The following UBL7 variants were observed in gnomAD, a reference collection of about 807,000 sequenced individuals.
The protein encoded by UBL7 is ubiquitin like 7.
Under a neutral mutation model 41.7 loss-of-function variants are expected in UBL7, and 21 were observed. The observed-to-expected ratio is 0.50, with a 90% CI of 0.36 to 0.73. UBL7 has a LOEUF of 0.73. Among genes scored for constraint, UBL7 ranks in the 30% least tolerant of loss-of-function variants. The probability of loss-of-function intolerance (pLI) is 0.00; values close to 1 mark genes in which losing one functional copy is unlikely to be tolerated. For synonymous variants in UBL7, 157 were observed against 186.9 expected, an observed-to-expected ratio of 0.84 and a Z score of 1.31; for missense variants, 403 against 478.4, an observed-to-expected ratio of 0.84 and a Z score of 1.47.
rs1263507875 is a variant in UBL7, at chr15:74,458,667, A to G, written c.184+17T>C. 4.4e-6 allele frequency: 7 copies of G among 1,604,088 alleles called. No individual in the cohort carries two copies. The highest frequency in any genetic ancestry group is 1.1e-5 in the South Asian group (1 of 90,954). ...GAGATCAGAGCAGCAGCCCAACCCCAGTCCAGAGAGACTCACCAATCAGCT... is the reference window on the plus strand; with the variant it reads ...GAGATCAGAGCAGCAGCCCAACCCCGGTCCAGAGAGACTCACCAATCAGCT... On this transcript the variant is annotated intron_variant, in intron 2 of 10. Transcript: ENST00000395081.
intron 2 of UBL7, 74 bp from the exon 3 acceptor site, chr15:74,456,745 T>C (rs1596219981): frequency 3.3e-6 from 5 of 1,512,454 alleles, no homozygotes; most frequent in Non-Finnish European, 4.5e-6. Context: ...GAGAACCTTA[T>C]TTTGATTAGA....
At chr15:74,457,104 G>A (rs1464603443) in intron 2 of UBL7, among the ~76,000 whole-genome samples, 1 of 152,178 alleles carries the variant, frequency 6.6e-6, no homozygotes, top group East Asian at 1.9e-4. Flanking sequence ...GAACCACCAT[G>A]CCTAGCCAAT....
chr15:74,456,483 G>C (rs1199896514), intron 3 of UBL7, 69 bp downstream of exon 3: 6 of 1,589,636 alleles, frequency 3.8e-6, no homozygotes, highest in Non-Finnish European at 5.2e-6. Context: ...TGTGCCTCAA[G>C]AACACACAGA....
chr15:74,450,157 A>C, intron 6 of UBL7, 88 bp from the exon 7 acceptor site: 1 of 1,420,454 alleles, frequency 7.0e-7, no homozygotes, highest in Non-Finnish European at 9.4e-7. Flanking sequence ...CCTCACAACA[A>C]TGCAGCCACC....
intron 6 of UBL7, 131 bp from the exon 7 acceptor site, chr15:74,450,200 A>G (rs1018630434): frequency 9.5e-6 from 11 of 1,152,644 alleles, no homozygotes; most frequent in African/African-American, 4.7e-5. Context: ...AGTCTTTAGC[A>G]TCTTCCACCA....
intron 2 of UBL7, among the ~76,000 whole-genome samples, chr15:74,457,736 CAAAAAAAAAA>C (rs1187527943): frequency 2.7e-5 from 1 of 37,650 alleles, no homozygotes; most frequent in South Asian, 9.2e-4. Context: ...GACTCCGTCT[CAAAAAAAAAA>C]AAAAAAAAAA....
intron 3 of UBL7, among the ~76,000 whole-genome samples, chr15:74,454,686 C>A (rs2061279115): frequency 6.6e-6 from 1 of 152,218 alleles, no homozygotes; most frequent in African/African-American, 2.4e-5. Flanking sequence ...GCGTAAGCTG[C>A]TGCACCCGGC....
chr15:74,451,199 A>G (rs1026330801), intron 5 of UBL7, among the ~76,000 whole-genome samples: 2 of 152,062 alleles, frequency 1.3e-5, no homozygotes, highest in Non-Finnish European at 2.9e-5. Flanking sequence ...GCTAACTGCT[A>G]TCCTCATTTG....
Position 74,461,118 on chromosome 15 carries a change from G to A in UBL7, c.-111C>T, listed in dbSNP as rs2061345806. Reference sequence around the variant, plus strand: ...CCCCAGCGCCCTCACCCGTCCCGCGGAAGGAACCCGGCCGCACTGCCGCCG... The same window carrying A: ...CCCCAGCGCCCTCACCCGTCCCGCGAAAGGAACCCGGCCGCACTGCCGCCG... On this transcript the variant is annotated 5_prime_UTR_variant, in exon 1 of 11. Coordinates refer to ENST00000395081, the MANE Select transcript of UBL7 (RefSeq NM_032907.5). 2.0e-6 allele frequency: 2 copies of A among 998,008 alleles called. No individual in the cohort carries two copies. Among genetic ancestry groups the A allele is most frequent in the Non-Finnish European group, 2.4e-6 (2 of 836,254 alleles). The allele number at this position is 998,008 out of a possible 1,614,324, so 61.8% of individuals were successfully genotyped here.
intron 2 of UBL7, 104 bp from the exon 3 acceptor site, chr15:74,456,775 G>T: frequency 6.2e-6 from 8 of 1,284,910 alleles, no homozygotes; most frequent in South Asian, 2.9e-5. Context: ...AATGATACAT[G>T]TTTTAAAAGA....
intron 3 of UBL7, among the ~76,000 whole-genome samples, chr15:74,453,437 G>C (rs7169985): frequency 0.27 from 40,751 of 151,950 alleles, 7,509 homozygotes; most frequent in East Asian, 0.54. Context: ...AGGCAGACAG[G>C]CACCACTGAG....
intron 3 of UBL7, among the ~76,000 whole-genome samples, chr15:74,455,639 A>T (rs2061287076): frequency 1.3e-5 from 2 of 152,232 alleles, no homozygotes; most frequent in Admixed American, 1.3e-4. Flanking sequence ...ATAAACTGTT[A>T]ACTTAAAGGA....
Position 74,452,390 on chromosome 15 carries a change from G to A in UBL7, c.305-12C>T, listed in dbSNP as rs144333877. On this transcript the variant is annotated splice_polypyrimidine_tract_variant and intron_variant, in intron 3 of 10. Coordinates refer to ENST00000395081, the MANE Select transcript of UBL7 (RefSeq NM_032907.5). ...TTTGTCCACAGGTTCTGGGGGACAA[G>A]ACATTCAGAGTTACCCTATAGCGCA... 1.2e-5 allele frequency: 18 copies of A among 1,554,324 alleles called. No homozygotes were observed. In the African/African-American group the frequency reaches 1.8e-4, roughly 15 times the overall value.
At chr15:74,459,781 C>A (rs2141330951) in intron 1 of UBL7, among the ~76,000 whole-genome samples, 1 of 151,740 alleles carries the variant, frequency 6.6e-6, no homozygotes, top group South Asian at 2.1e-4. Flanking sequence ...GCCTGGCCAA[C>A]ATGGTGAAAC....
intron 3 of UBL7, 69 bp downstream of exon 3, chr15:74,456,483 G>T: frequency 6.3e-7 from 1 of 1,589,750 alleles, no homozygotes; most frequent in African/African-American, 1.3e-5. Context: ...TGTGCCTCAA[G>T]AACACACAGA....
In UBL7 at chr15:74,449,313, C is replaced by T. The variant is rs771149208; in HGVS notation, c.755G>A (p.Arg252His). 16 of 1,613,984 alleles carry T rather than the reference C, an allele frequency of 9.9e-6. No individual in the cohort carries two copies. In the Admixed American group the frequency reaches 1.7e-4, roughly 17 times the overall value. ...TCCACTGTACCCCAGGGAGGCTGGG[C>T]GGGAGCTGGGAGTACTGCTAGAGGG... ...STPSSSTPSSRPASLGYSGAA... is the reference protein window; with the variant it reads ...STPSSSTPSSHPASLGYSGAA... The change falls in exon 9 of 11, where the codon CGC becomes CAC. Residue 252 changes from arginine (R) to histidine (H), a missense_variant. Physicochemically the swap from Arg to His is conservative, Grantham distance 29 (BLOSUM62 0). Transcript: ENST00000395081.
In UBL7 at chr15:74,450,723, G is replaced by T. The variant is rs544875655; in HGVS notation, c.530+79C>A. 761 of 1,502,994 alleles carry T rather than the reference G, an allele frequency of 5.1e-4. 1 individual carries two copies. Among genetic ancestry groups the T allele is most frequent in the Non-Finnish European group, 6.5e-4 (708 of 1,084,060 alleles). 93.1% of individuals were successfully genotyped at this position (1,502,994 alleles called of 1,614,324 possible). ...AGACTATGGATGGGCTCCCAGAGCA[G>T]ACTGCAGGGTGACAATTAGGCTTCT... On this transcript the variant is annotated intron_variant, in intron 6 of 10. Coordinates refer to ENST00000395081, the MANE Select transcript of UBL7 (RefSeq NM_032907.5).
Position 74,461,050 on chromosome 15 carries a change from C to CCAGT in UBL7, c.-44_-43insACTG. The CCAGT allele has an allele frequency of 9.6e-7, 1 of 1,040,350 alleles. No homozygotes were observed. The highest frequency in any genetic ancestry group is 1.2e-6 in the Non-Finnish European group (1 of 860,360). The allele number at this position is 1,040,350 out of a possible 1,614,324, so 64.4% of individuals were successfully genotyped here. On this transcript the variant is annotated 5_prime_UTR_variant, in exon 1 of 11. Coordinates refer to ENST00000395081, the MANE Select transcript of UBL7 (RefSeq NM_032907.5). ...TGGCGACCTCACCGCTCCAGTGGGA[C>CCAGT]CAGCTACTTGGCTGACACACATCGA...
chr15:74,454,199 G>C (rs1242007661), intron 3 of UBL7, among the ~76,000 whole-genome samples: 1 of 152,134 alleles, frequency 6.6e-6, no homozygotes, highest in Non-Finnish European at 1.5e-5. Flanking sequence ...CAGGGCCACT[G>C]TAATGATTAA....
Sources: gnomAD v4.1 joint callset for allele counts (sites outside exome capture counted in the v4.1 genomes callset) on GRCh38, gnomAD v4.1.1 for gene constraint, MANE v1.5 for transcripts, NCBI Gene and HGNC (gene_info 2026-07-23, HGNC 2026-07-21) for gene names.